The following SSBP2 variants were observed in gnomAD, a reference collection of about 807,000 sequenced individuals.
SSBP2 encodes single-stranded DNA-binding protein 2.
A neutral mutation model predicts 61.8 loss-of-function variants in SSBP2; 17 were observed. That is an observed-to-expected ratio of 0.28 (90% CI 0.19 to 0.41). SSBP2 has a LOEUF of 0.41. Among genes scored for constraint, SSBP2 ranks in the 10% least tolerant of loss-of-function variants. The pLI, the probability that SSBP2 is intolerant of heterozygous loss-of-function variation, is 1.00. For synonymous variants in SSBP2, 139 were observed against 141.3 expected (o/e 0.98, Z 0.12); for missense variants, 310 against 458.7 (o/e 0.68, Z 2.96).
At chr5:81,442,492 T>A (rs1009388506) in intron 13 of SSBP2, among the ~76,000 whole-genome samples, 161 bp downstream of exon 13, 2 of 152,034 alleles carry the variant, frequency 1.3e-5, no homozygotes, top group African/African-American at 4.8e-5. Flanking sequence ...ATGTTTACTG[T>A]TTTTTTAACC....
chr5:81,583,419 G>C (rs1188223998), intron 4 of SSBP2, among the ~76,000 whole-genome samples: 1 of 152,048 alleles, frequency 6.6e-6, no homozygotes, highest in Non-Finnish European at 1.5e-5. Context: ...CACAAGGTCA[G>C]GAGATTGAGA....
chr5:81,597,344 A>G (rs35396510), intron 4 of SSBP2, among the ~76,000 whole-genome samples: 26,204 of 152,078 alleles, frequency 0.17, 2,331 homozygotes, highest in Non-Finnish European at 0.2. Context: ...GGCAATCATT[A>G]AAGTCAGGAA....
At chr5:81,482,646 C>T (rs1046534499) in intron 6 of SSBP2, among the ~76,000 whole-genome samples, 2 of 152,216 alleles carry the variant, frequency 1.3e-5, no homozygotes, top group East Asian at 3.8e-4. Context: ...CTAAAGGCCT[C>T]ACTCTGGATT....
chr5:81,661,976 T>C (rs1288382685), intron 1 of SSBP2, among the ~76,000 whole-genome samples: 1 of 152,228 alleles, frequency 6.6e-6, no homozygotes, highest in Non-Finnish European at 1.5e-5. Flanking sequence ...GTTTCAAGTC[T>C]TATGTTTAAG....
At chr5:81,432,611 T>C (rs1762365195) in intron 15 of SSBP2, among the ~76,000 whole-genome samples, 1 of 151,808 alleles carries the variant, frequency 6.6e-6, no homozygotes, top group African/African-American at 2.4e-5. Flanking sequence ...CCGGGTATGG[T>C]GGTGTGCGCC....
chr5:81,549,280 A>T (rs1771993573), intron 4 of SSBP2, among the ~76,000 whole-genome samples: 1 of 152,180 alleles, frequency 6.6e-6, no homozygotes, highest in Non-Finnish European at 1.5e-5. Context: ...CTCTTCATCA[A>T]TCAATCTCTC....
chr5:81,479,989 A>G (rs1765866174), intron 6 of SSBP2, among the ~76,000 whole-genome samples: 3 of 152,094 alleles, frequency 2.0e-5, no homozygotes, highest in Admixed American at 1.3e-4. Context: ...GTATTCACTA[A>G]TTTTCACTAA....
chr5:81,531,390 C>A (rs533062201), intron 4 of SSBP2, among the ~76,000 whole-genome samples: 10 of 151,790 alleles, frequency 6.6e-5, no homozygotes, highest in African/African-American at 2.2e-4. Context: ...CAGACACTGG[C>A]AGAATATAAA....
intron 6 of SSBP2, among the ~76,000 whole-genome samples, chr5:81,480,339 G>A (rs1253861974): frequency 6.6e-6 from 1 of 152,152 alleles, no homozygotes; most frequent in Non-Finnish European, 1.5e-5. Flanking sequence ...TGAGTCATAT[G>A]AATTTTTTGG....
chr5:81,694,423 T>C (rs1445023179), intron 1 of SSBP2, among the ~76,000 whole-genome samples: 1 of 152,206 alleles, frequency 6.6e-6, no homozygotes, highest in Admixed American at 6.5e-5. Flanking sequence ...TGTCACATTA[T>C]CTCAAGTATA....
chr5:81,578,249 T>C (rs2972246), intron 4 of SSBP2, among the ~76,000 whole-genome samples: 116,526 of 151,822 alleles, frequency 0.77, 45,405 homozygotes, highest in East Asian at 0.97. Context: ...CAAATAAGAA[T>C]CAGAGTATAC....
At chr5:81,472,892 C>A (rs939095514) in intron 8 of SSBP2, among the ~76,000 whole-genome samples, 5 of 152,082 alleles carry the variant, frequency 3.3e-5, no homozygotes, top group Non-Finnish European at 2.9e-5. Flanking sequence ...TGAGCCACTG[C>A]GCCCAGCCAA....
intron 3 of SSBP2, among the ~76,000 whole-genome samples, chr5:81,626,329 T>C (rs1265042174): frequency 3.9e-5 from 6 of 152,320 alleles, no homozygotes; most frequent in African/African-American, 1.4e-4. Context: ...ATACGAAGTA[T>C]CACATATTCA....
intron 1 of SSBP2, among the ~76,000 whole-genome samples, chr5:81,693,576 G>A (rs1360657981): frequency 6.6e-6 from 1 of 152,154 alleles, no homozygotes; most frequent in Admixed American, 6.5e-5. Flanking sequence ...CATATGAAAA[G>A]GCGCTCAACA....
chr5:81,719,310 G>A (rs926836133), intron 1 of SSBP2, among the ~76,000 whole-genome samples: 7 of 152,092 alleles, frequency 4.6e-5, no homozygotes, highest in Non-Finnish European at 7.4e-5. Context: ...GCCCATCCCC[G>A]CTTCCTCCAA....
At chr5:81,703,777 A>G (rs974109889) in intron 1 of SSBP2, among the ~76,000 whole-genome samples, 1 of 152,220 alleles carries the variant, frequency 6.6e-6, no homozygotes, top group Non-Finnish European at 1.5e-5. Context: ...ATTATCTTTC[A>G]GTTTATTTTA....
intron 1 of SSBP2, among the ~76,000 whole-genome samples, chr5:81,667,584 G>A (rs556024439): frequency 2.6e-5 from 4 of 151,840 alleles, no homozygotes; most frequent in Non-Finnish European, 5.9e-5. Context: ...TGTAACTATA[G>A]CCAGACTAAT....
chr5:81,649,240 A>G (rs1192930955), intron 2 of SSBP2, among the ~76,000 whole-genome samples: 1 of 152,164 alleles, frequency 6.6e-6, no homozygotes. Context: ...TATAAGAATT[A>G]GAGATAATAT....
chr5:81,467,476 C>T (rs917645489), intron 8 of SSBP2, among the ~76,000 whole-genome samples: 1 of 151,914 alleles, frequency 6.6e-6, no homozygotes, highest in African/African-American at 2.4e-5. Context: ...GAACCCAACA[C>T]AAGAAAGTTA....
Sources: gnomAD v4.1 joint callset for allele counts (sites outside exome capture counted in the v4.1 genomes callset) on GRCh38, gnomAD v4.1.1 for gene constraint, MANE v1.5 for transcripts, NCBI Gene and HGNC (gene_info 2026-07-23, HGNC 2026-07-21) for gene names.